Variants in WWC2 observed in about 807,000 individuals in gnomAD.
The protein encoded by WWC2 is WW and C2 domain containing 2.
WWC2 carries 101 observed loss-of-function variants against 138.5 expected under a neutral mutation model. The ratio of observed to expected loss-of-function variants is 0.73; its 90% CI spans 0.62 to 0.86. The LOEUF is 0.86. Among genes scored for constraint, WWC2 ranks in the 40% least tolerant of loss-of-function variants. WWC2 has a pLI of 0.00. For synonymous variants in WWC2, 558 were observed against 538.4 expected (o/e 1.04, Z -0.50); for missense variants, 1,420 against 1,419.4 (o/e 1.00, Z -0.01).
intron 15 of WWC2, among the ~76,000 whole-genome samples, chr4:183,270,614 A>C (rs915573611): frequency 4.6e-5 from 7 of 151,572 alleles, no homozygotes; most frequent in Non-Finnish European, 1.0e-4. Flanking sequence ...AAATACAAAA[A>C]TTAGCTGGGT....
At chr4:183,245,584 T>A in intron 6 of WWC2, 39 bp downstream of exon 6, 1 of 1,520,044 alleles carries the variant, frequency 6.6e-7, no homozygotes, top group South Asian at 1.3e-5. Context: ...AACTTCTACC[T>A]TCTGAGGCCC....
At chr4:183,132,370 AG>A (rs1219465986) in intron 1 of WWC2, among the ~76,000 whole-genome samples, 2 of 152,102 alleles carry the variant, frequency 1.3e-5, no homozygotes, top group East Asian at 3.8e-4. Context: ...TATCAGGTTA[AG>A]GAAGTTCCCT....
chr4:183,099,728 AG>A (rs1285635016), intron 1 of WWC2, 106 bp downstream of exon 1: 1 of 1,094,374 alleles, frequency 9.1e-7, no homozygotes, highest in African/African-American at 1.7e-5. Flanking sequence ...CGGTGCCCCG[AG>A]GGGTCCCGGG....
At chr4:183,137,847 T>G (rs1056510528) in intron 1 of WWC2, among the ~76,000 whole-genome samples, 3 of 152,194 alleles carry the variant, frequency 2.0e-5, no homozygotes, top group South Asian at 2.1e-4. Context: ...TGACTGTACT[T>G]GACTTTTCGT....
chr4:183,280,229 G>GTTTTTTT lies in WWC2; in HGVS notation c.2563-528_2563-522dup, dbSNP rs869235261. Among the ~76,000 whole-genome samples the GTTTTTTT allele has an allele frequency of 7.8e-4, 51 of 65,422 alleles. 1 individual carries two copies. Among genetic ancestry groups the GTTTTTTT allele is most frequent in the South Asian group, 1.7e-3 (2 of 1,196 alleles). The allele number at this position is 65,422 out of a possible 152,430, so 42.9% of individuals were successfully genotyped here. On this transcript the variant is annotated intron_variant, in intron 16 of 22. Coordinates refer to ENST00000403733, the MANE Select transcript of WWC2 (RefSeq NM_024949.6). ...TTACTATTTTAGCCTGATAGCAGCT[G>GTTTTTTT]TTTTTTTTTTTTTTTTTTTTTTTTT...
At chr4:183,251,430 T>C (rs542221123) in intron 8 of WWC2, among the ~76,000 whole-genome samples, 1 of 152,348 alleles carries the variant, frequency 6.6e-6, no homozygotes, top group South Asian at 2.1e-4. Context: ...GGCTTGACTC[T>C]TGCTTCCCAT....
chr4:183,171,239 A>T (rs911119414), intron 1 of WWC2, among the ~76,000 whole-genome samples: 1 of 152,216 alleles, frequency 6.6e-6, no homozygotes, highest in Admixed American at 6.5e-5. Context: ...AAGTGAAAAC[A>T]TTTATGTTGT....
intron 16 of WWC2, among the ~76,000 whole-genome samples, chr4:183,272,956 G>C (rs796261914): frequency 5.9e-5 from 9 of 152,226 alleles, no homozygotes; most frequent in African/African-American, 2.2e-4. Context: ...CATTTCTCCT[G>C]GGTAGGTACC....
chr4:183,154,760 G>A (rs1240883453), intron 1 of WWC2, among the ~76,000 whole-genome samples: 1 of 152,148 alleles, frequency 6.6e-6, no homozygotes, highest in East Asian at 1.9e-4. Flanking sequence ...CCTATCTGCA[G>A]TTGTGGCGCC....
At chr4:183,195,741 G>T (rs373216710) in intron 2 of WWC2, among the ~76,000 whole-genome samples, 1 of 152,126 alleles carries the variant, frequency 6.6e-6, no homozygotes, top group African/African-American at 2.4e-5. Flanking sequence ...AACTGTGGTT[G>T]CCTCCTCTTC....
chr4:183,137,832 G>T (rs999629396), intron 1 of WWC2, among the ~76,000 whole-genome samples: 1 of 152,124 alleles, frequency 6.6e-6, no homozygotes, highest in African/African-American at 2.4e-5. Flanking sequence ...TCATTGTGTA[G>T]TACATGACTG....
At chr4:183,114,991 C>T (rs140579610) in intron 1 of WWC2, among the ~76,000 whole-genome samples, 124 of 152,100 alleles carry the variant, frequency 8.2e-4, no homozygotes, top group African/African-American at 2.9e-3. Flanking sequence ...CCAGCTAATC[C>T]CCATAGGTAG....
chr4:183,099,381 C>T lies in WWC2; in HGVS notation c.-111C>T, dbSNP rs988620990. ...GCCCCGCGCCCTGCGCCCCTCAGCC[C>T]CTCGCCGGCGCCCGCGTCGCGGGTT... On this transcript the variant is annotated 5_prime_UTR_variant, in exon 1 of 23. Coordinates refer to ENST00000403733, the MANE Select transcript of WWC2 (RefSeq NM_024949.6). The T allele has an allele frequency of 1.8e-6, 2 of 1,119,220 alleles. No homozygotes were observed. Among genetic ancestry groups the T allele is most frequent in the Non-Finnish European group, 2.2e-6 (2 of 905,900 alleles). The allele number at this position is 1,119,220 out of a possible 1,614,324, so 69.3% of individuals were successfully genotyped here. A position where few individuals can be genotyped will look rare whatever the true frequency, so the allele number is the denominator to read the frequency against.
intron 11 of WWC2, among the ~76,000 whole-genome samples, chr4:183,262,560 GC>G (rs1374068995): frequency 2.0e-5 from 3 of 152,248 alleles, no homozygotes; most frequent in African/African-American, 7.2e-5. Context: ...CAAGTGCTGT[GC>G]CCTGTCAGTG....
intron 18 of WWC2, among the ~76,000 whole-genome samples, chr4:183,283,926 A>ATGCCT (rs2111062919): frequency 6.6e-6 from 1 of 152,274 alleles, no homozygotes; most frequent in South Asian, 2.1e-4. Flanking sequence ...TTTATGTTCA[A>ATGCCT]CCCTTTGGAG....
At chr4:183,229,168 C>G (rs564368541) in intron 4 of WWC2, among the ~76,000 whole-genome samples, 2 of 152,202 alleles carry the variant, frequency 1.3e-5, no homozygotes, top group East Asian at 1.9e-4. Flanking sequence ...AGGACACTCG[C>G]TGAGTTGCTA....
intron 1 of WWC2, among the ~76,000 whole-genome samples, chr4:183,178,733 T>C (rs1734537667): frequency 6.6e-6 from 1 of 152,212 alleles, no homozygotes; most frequent in Non-Finnish European, 1.5e-5. Flanking sequence ...AAGCTCGGAC[T>C]CAGTCTGATC....
chr4:183,305,211 A>G (rs953504786), intron 21 of WWC2, among the ~76,000 whole-genome samples: 2 of 152,204 alleles, frequency 1.3e-5, no homozygotes, highest in East Asian at 1.9e-4. Context: ...AAAACTGCAT[A>G]GCAAAGAGAA....
chr4:183,238,029 A>G (rs1042883367), intron 4 of WWC2, among the ~76,000 whole-genome samples: 5 of 152,196 alleles, frequency 3.3e-5, no homozygotes, highest in African/African-American at 1.2e-4. Flanking sequence ...CGTGCACCTA[A>G]AATAATATCT....
Sources: gnomAD v4.1 joint callset for allele counts (sites outside exome capture counted in the v4.1 genomes callset) on GRCh38, gnomAD v4.1.1 for gene constraint, MANE v1.5 for transcripts, NCBI Gene and HGNC (gene_info 2026-07-23, HGNC 2026-07-21) for gene names.